Variants in EIF4E1B observed in about 807,000 individuals in gnomAD.
EIF4E1B encodes the protein eukaryotic translation initiation factor 4E type 1B.
EIF4E1B carries 22 observed loss-of-function variants against 31.3 expected under a neutral mutation model. The observed-to-expected ratio is 0.70, with a 90% confidence interval of 0.50 to 1.00. EIF4E1B has a LOEUF of 1.00. Among genes scored for constraint, EIF4E1B ranks in the 50% least tolerant of loss-of-function variants. The probability of loss-of-function intolerance (pLI) is 0.00; values close to 1 mark genes in which losing one functional copy is unlikely to be tolerated. For synonymous variants in EIF4E1B, 126 were observed against 120.2 expected, an observed-to-expected ratio of 1.05 and a Z score of -0.31; for missense variants, 290 against 311.6, an observed-to-expected ratio of 0.93 and a Z score of 0.52.
rs868274689 is a variant in EIF4E1B, at chr5:176,642,861, C to A, written c.15+59C>A. On this transcript the variant is annotated intron_variant, in intron 3 of 8. Coordinates refer to ENST00000318682, the MANE Select transcript of EIF4E1B (RefSeq NM_001099408.2). Reference sequence around the variant, plus strand: ...CATGGCCCCGCCCTCTCCCCCCCCCCCCCCGCCCCAGGTGGGCGGGGCAGG... The same window carrying A: ...CATGGCCCCGCCCTCTCCCCCCCCCACCCCGCCCCAGGTGGGCGGGGCAGG... 4 of 1,123,860 alleles carry A rather than the reference C, an allele frequency of 3.6e-6. No individual in the cohort carries two copies. The African/African-American group carries it at 8.7e-5, about 24-fold the overall frequency. 69.6% of individuals were successfully genotyped at this position (1,123,860 alleles called of 1,614,324 possible).
At chr5:176,640,791 G>A (rs549133345) in intron 1 of EIF4E1B, among the ~76,000 whole-genome samples, 2 of 152,072 alleles carry the variant, frequency 1.3e-5, no homozygotes, top group South Asian at 2.1e-4. Flanking sequence ...TTTTAGCTTC[G>A]CCCACACTGG....
chr5:176,635,803 T>C (rs1760482232), intron 1 of EIF4E1B, among the ~76,000 whole-genome samples: 2 of 152,008 alleles, frequency 1.3e-5, no homozygotes, highest in Non-Finnish European at 2.9e-5. Context: ...GCCAGTTGTC[T>C]GTCTTTTTCT....
At chr5:176,635,589 T>C (rs929699204) in intron 1 of EIF4E1B, among the ~76,000 whole-genome samples, 2 of 152,228 alleles carry the variant, frequency 1.3e-5, no homozygotes, top group African/African-American at 4.8e-5. Flanking sequence ...GCATTTATTC[T>C]TTCACTTAAA....
At chr5:176,637,298 G>T (rs760951869) in intron 1 of EIF4E1B, among the ~76,000 whole-genome samples, 1 of 152,182 alleles carries the variant, frequency 6.6e-6, no homozygotes, top group East Asian at 1.9e-4. Context: ...AATCATCCAG[G>T]TGTGGTGATG....
chr5:176,635,302 G>C (rs1760475637), intron 1 of EIF4E1B, among the ~76,000 whole-genome samples: 1 of 152,138 alleles, frequency 6.6e-6, no homozygotes, highest in South Asian at 2.1e-4. Flanking sequence ...CAGCAGTGGA[G>C]AGTCTGCGAT....
chr5:176,645,096 CAGGG>C lies in EIF4E1B; in HGVS notation c.361-30_361-27del. 6.6e-7 allele frequency: 1 copy of C among 1,526,508 alleles called. No homozygotes were observed. The highest frequency in any genetic ancestry group is 1.4e-5 in the African/African-American group (1 of 72,664). The allele number at this position is 1,526,508 out of a possible 1,614,324, so 94.6% of individuals were successfully genotyped here. A position where few individuals can be genotyped will look rare whatever the true frequency, so the allele number is the denominator to read the frequency against. On this transcript the variant is annotated intron_variant, in intron 6 of 8. Transcript: ENST00000318682. This position sits in a 1 kb window ranked among gnomAD's most constrained non-coding sequence, Gnocchi z 5.4. ...GTGGGTCCCCATTTCCCTTTGAACA[CAGGG>C]AGGCAGTTGACTTGCCATCTGCCTT...
intron 1 of EIF4E1B, among the ~76,000 whole-genome samples, chr5:176,632,216 A>G (rs1243492834): frequency 6.6e-6 from 1 of 152,222 alleles, no homozygotes; most frequent in African/African-American, 2.4e-5. Context: ...CACCTTATAT[A>G]CAAACATACA....
intron 1 of EIF4E1B, among the ~76,000 whole-genome samples, chr5:176,635,281 C>A (rs1434960051): frequency 6.6e-6 from 1 of 151,872 alleles, no homozygotes; most frequent in African/African-American, 2.4e-5. Context: ...TAGAGGGAGG[C>A]CGAAGGAGAC....
intron 3 of EIF4E1B, 93 bp from the exon 4 acceptor site, chr5:176,642,989 C>T (rs1406283688): frequency 7.9e-6 from 12 of 1,518,378 alleles, no homozygotes; most frequent in Non-Finnish European, 9.7e-6. Context: ...AGTCCCCTGC[C>T]TTCCCCTCCT....
At chr5:176,640,356 C>G (rs1314396983) in intron 1 of EIF4E1B, among the ~76,000 whole-genome samples, 1 of 152,224 alleles carries the variant, frequency 6.6e-6, no homozygotes. Flanking sequence ...GAGAGCTGGG[C>G]TGTCCTACTG....
Position 176,644,422 on chromosome 5 carries a change from G to C in EIF4E1B, c.343G>C (p.Asp115His). Residue 115 changes from aspartate (D) to histidine (H), a missense_variant, in exon 6 of 9, where the codon GAC becomes CAC. By Grantham distance (81) the Asp-to-His change is moderately conservative. Transcript: ENST00000318682. ...GGCCAGCAAGCTCTCCTCTGGCTGT[G>C]ACTACGCCCTCTTCAAGGTAAGCTC... ...QLASKLSSGC[D>H]YALFKDGIQP... 6.3e-7 allele frequency: 1 copy of C among 1,595,896 alleles called. No individual in the cohort carries two copies. The highest frequency in any genetic ancestry group is 1.1e-5 in the South Asian group (1 of 87,752).
intron 1 of EIF4E1B, among the ~76,000 whole-genome samples, chr5:176,633,946 C>T (rs907144988): frequency 1.3e-5 from 2 of 152,066 alleles, no homozygotes; most frequent in African/African-American, 4.8e-5. Flanking sequence ...AGAGGAGGGA[C>T]AAGGACGCCT....
chr5:176,639,524 T>C (rs1486217802), intron 1 of EIF4E1B, among the ~76,000 whole-genome samples: 1 of 152,106 alleles, frequency 6.6e-6, no homozygotes, highest in Admixed American at 6.5e-5. Context: ...GTGCTGTGGC[T>C]GGGAGGGTCC....
At chr5:176,641,856 G>C (rs1489306930) in intron 1 of EIF4E1B, 187 bp from the exon 2 acceptor site, 4 of 152,500 alleles carry the variant, frequency 2.6e-5, no homozygotes, top group Admixed American at 6.6e-5. Flanking sequence ...GGCCGATAAA[G>C]GGTGTCCAAA....
chr5:176,645,205 C>T lies in EIF4E1B; in HGVS notation c.436C>T (p.Gln146Ter), dbSNP rs1264890847. 1.3e-6 allele frequency: 2 copies of T among 1,589,590 alleles called. No individual in the cohort carries two copies. The highest frequency in any genetic ancestry group is 2.3e-5 in the East Asian group (1 of 43,508). ...GRWLVSLAKQQRHIELDRLWL... is the reference protein window; with the variant it reads ...GRWLVSLAKQ The stretch of plus-strand genomic sequence containing the variant: ...CTGGCTGGTCAGCCTGGCCAAGCAG[C>T]AGCGCCACATTGAGCTGGACCGGCT... Residue 146 changes from glutamine to a stop codon, truncating the protein, a stop_gained, in exon 7 of 9, where the codon CAG becomes TAG. Coordinates refer to ENST00000318682, the MANE Select transcript of EIF4E1B (RefSeq NM_001099408.2). LOFTEE classifies it high-confidence loss of function. This position sits in a 1 kb window ranked among gnomAD's most constrained non-coding sequence, Gnocchi z 5.4.
chr5:176,645,246 G>A lies in EIF4E1B; in HGVS notation c.474+3G>A, dbSNP rs1326111936. Reference sequence around the variant, plus strand: ...TGGACCGGCTGTGGCTGGAGACGGTGAGTTGGAGGAGGAGGGTCCTCAGGG... The same window carrying A: ...TGGACCGGCTGTGGCTGGAGACGGTAAGTTGGAGGAGGAGGGTCCTCAGGG... On this transcript the variant is annotated splice_donor_region_variant and intron_variant, in intron 7 of 8. Transcript: ENST00000318682. The surrounding 1 kb of genome is among the most constrained non-coding windows in gnomAD (Gnocchi z 5.4). The A allele has an allele frequency of 1.9e-6, 3 of 1,600,502 alleles. No individual in the cohort carries two copies.
At chr5:176,635,840 G>T (rs866140336) in intron 1 of EIF4E1B, among the ~76,000 whole-genome samples, 198 of 151,444 alleles carry the variant, frequency 1.3e-3, no homozygotes, top group African/African-American at 4.7e-3. Context: ...TTTTTGAGAC[G>T]GAGTCTAGCT....
intron 1 of EIF4E1B, among the ~76,000 whole-genome samples, chr5:176,635,808 TTTTC>T (rs927291623): frequency 4.0e-5 from 6 of 151,636 alleles, no homozygotes; most frequent in African/African-American, 1.2e-4. Flanking sequence ...TTGTCTGTCT[TTTTC>T]TTTCTTTCTT....
chr5:176,645,062 G>C lies in EIF4E1B; in HGVS notation c.361-68G>C. The C allele has an allele frequency of 7.1e-7, 1 of 1,403,194 alleles. No homozygotes were observed. The highest frequency in any genetic ancestry group is 9.8e-7 in the Non-Finnish European group (1 of 1,022,534). The allele number at this position is 1,403,194 out of a possible 1,614,324, so 86.9% of individuals were successfully genotyped here. On this transcript the variant is annotated intron_variant, in intron 6 of 8. Transcript: ENST00000318682. The surrounding 1 kb of genome is among the most constrained non-coding windows in gnomAD (Gnocchi z 5.4). ...CCTCAGCAGAGAGCGGATAAGGCCG[G>C]GATGGTGGGTGGGTCCCCATTTCCC... is the stretch of plus-strand genomic sequence containing the variant.
Sources: allele counts gnomAD v4.1 joint callset (sites outside exome capture counted in the v4.1 genomes callset), GRCh38; gene constraint gnomAD v4.1.1; non-coding constraint Gnocchi (gnomAD v3.1); transcripts MANE v1.5; gene names NCBI Gene and HGNC (gene_info 2026-07-23, HGNC 2026-07-21).